Variants in CCDC180 observed in about 807,000 individuals in gnomAD.
The protein encoded by CCDC180 is coiled-coil domain-containing protein 180.
A neutral mutation model predicts 209.2 loss-of-function variants in CCDC180; 154 were observed. The ratio of observed to expected loss-of-function variants is 0.74; its 90% CI spans 0.65 to 0.84. CCDC180 has a LOEUF of 0.84. CCDC180 is among the 40% of genes least tolerant of loss of function. CCDC180 has a pLI of 0.00. For synonymous variants in CCDC180, 778 were observed against 749.1 expected, an observed-to-expected ratio of 1.04 and a Z score of -0.63; for missense variants, 1,874 against 1,997.3, an observed-to-expected ratio of 0.94 and a Z score of 1.18.
intron 22 of CCDC180, 141 bp downstream of exon 22, chr9:97,350,696 A>G: frequency 1.1e-6 from 1 of 890,778 alleles, no homozygotes; most frequent in Non-Finnish European, 1.7e-6. Context: ...AGGTGCACAG[A>G]TCAGTGGCAT....
chr9:97,365,540 G>A, intron 29 of CCDC180, 133 bp from the exon 30 acceptor site: 2 of 759,364 alleles, frequency 2.6e-6, no homozygotes, highest in East Asian at 2.5e-5. Flanking sequence ...CAGAGGTCCT[G>A]GGGCAGCAGT....
intron 28 of CCDC180, among the ~76,000 whole-genome samples, chr9:97,363,084 G>C (rs1293571854): frequency 6.6e-6 from 1 of 152,232 alleles, no homozygotes; most frequent in Non-Finnish European, 1.5e-5. Flanking sequence ...GCAGAGGAGT[G>C]GGAAGCATTG....
rs1319266152 is a variant in CCDC180 at position 97,369,919 on chromosome 9, C to T, written c.4190-3C>T. 6.2e-7 allele frequency: 1 copy of T among 1,613,970 alleles called. No homozygotes were observed. The highest frequency in any genetic ancestry group is 8.5e-7 in the Non-Finnish European group (1 of 1,180,004). ...CTTGGCCTCTTACCCGCACTTCTGG[C>T]AGAATTACGGATCCAGATCAGGAGA... On this transcript the variant is annotated splice_polypyrimidine_tract_variant and splice_region_variant and intron_variant, in intron 31 of 36. Coordinates refer to ENST00000529487, the MANE Select transcript of CCDC180 (RefSeq NM_020893.6).
chr9:97,313,389 C>A, intron 5 of CCDC180, 44 bp downstream of exon 5: 2 of 1,427,008 alleles, frequency 1.4e-6, no homozygotes, highest in South Asian at 2.3e-5. Context: ...CTGTGCCATT[C>A]CAAAGGTGGG....
At chr9:97,363,509 C>T (rs780688213) in intron 28 of CCDC180, 7 of 481,222 alleles carry the variant, frequency 1.5e-5, no homozygotes, top group Admixed American at 2.0e-5. Flanking sequence ...TGAGAGGTTA[C>T]GAAACAAAGT....
chr9:97,370,521 C>G (rs1328067933), intron 32 of CCDC180, 120 bp from the exon 33 acceptor site: 1 of 1,151,120 alleles, frequency 8.7e-7, no homozygotes, highest in Non-Finnish European at 1.3e-6. Flanking sequence ...CCACCCATCA[C>G]CCCCACACAC....
Position 97,337,381 on chromosome 9 carries a change from G to A in CCDC180, c.2275-5959G>A, listed in dbSNP as rs548947423. Among the ~76,000 whole-genome samples the A allele has an allele frequency of 2.6e-5, 4 of 152,312 alleles. No individual in the cohort carries two copies. The South Asian group carries it at 8.3e-4, about 32-fold the overall frequency. On this transcript the variant is annotated intron_variant, in intron 18 of 36. Transcript: ENST00000529487. ...GAGAGCTTTTAGCATGAAGGCTGTT[G>A]AATTTTGTCGAAGGCCTTTTCTGCA...
chr9:97,342,492 C>G (rs1243598724), intron 18 of CCDC180, among the ~76,000 whole-genome samples: 2 of 152,166 alleles, frequency 1.3e-5, no homozygotes, highest in African/African-American at 4.8e-5. Flanking sequence ...GTTGCCCAGG[C>G]TGGTCTCGAA....
intron 15 of CCDC180, 77 bp downstream of exon 15, chr9:97,326,746 G>A: frequency 1.2e-6 from 1 of 863,230 alleles, no homozygotes; most frequent in Non-Finnish European, 1.9e-6. Flanking sequence ...GCCTGCCCAA[G>A]AGCCCAGGAG....
chr9:97,313,427 C>A (rs1038569492), intron 5 of CCDC180, 82 bp downstream of exon 5: 2 of 933,180 alleles, frequency 2.1e-6, no homozygotes, highest in South Asian at 1.4e-5. Flanking sequence ...CCTTCCTCCC[C>A]CTCTCCAGCA....
rs1410391696 is a variant in CCDC180 at position 97,347,289 on chromosome 9, T to C, written c.2499-25T>C. ...CATGGGTCATGATTGCTGGCAGGGC[T>C]GACCCTGGCTGGTCTCGCCCTCAGA... On this transcript the variant is annotated intron_variant, in intron 19 of 36. Coordinates refer to ENST00000529487, the MANE Select transcript of CCDC180 (RefSeq NM_020893.6). 5 of 1,533,796 alleles carry C rather than the reference T, an allele frequency of 3.3e-6. No homozygotes were observed. The South Asian group carries it at 4.8e-5, about 15-fold the overall frequency.
At chr9:97,363,622 G>A (rs745511941) in intron 28 of CCDC180, 53 of 533,932 alleles carry the variant, frequency 9.9e-5, no homozygotes, top group Admixed American at 9.7e-5. Flanking sequence ...CCCAAATACT[G>A]CATGTGATAC....
Position 97,371,057 on chromosome 9 carries a change from G to A in CCDC180, c.4488+279G>A, listed in dbSNP as rs529819503. 9.5e-4 allele frequency: 172 copies of A among 180,386 alleles called. 2 individuals are homozygous for A. The highest frequency in any genetic ancestry group is 7.5e-4 in the East Asian group (5 of 6,628). 11.2% of individuals were successfully genotyped at this position (180,386 alleles called of 1,614,324 possible). On this transcript the variant is annotated intron_variant, in intron 33 of 36. Coordinates refer to ENST00000529487, the MANE Select transcript of CCDC180 (RefSeq NM_020893.6). ...CGGCTCACTGCAAGCTCCGCTTCCC[G>A]GGTTCACGCCATTCTCCTGCCTCAG...
At position 97,318,591 on chromosome 9, in the gene CCDC180, A is replaced by G; in HGVS notation, c.1079+9A>G. On this transcript the variant is annotated intron_variant, in intron 10 of 36. Coordinates refer to ENST00000529487, the MANE Select transcript of CCDC180 (RefSeq NM_020893.6). ...CATCTCTGCACCATCTGGTATGGGC[A>G]GGAGGGGCGGCCCAGGAGGGGTGCT... is the stretch of plus-strand genomic sequence containing the variant. 6.2e-7 allele frequency: 1 copy of G among 1,611,256 alleles called. No individual in the cohort carries two copies. The highest frequency in any genetic ancestry group is 2.2e-5 in the East Asian group (1 of 44,814).
intron 27 of CCDC180, 101 bp from the exon 28 acceptor site, chr9:97,362,095 T>A: frequency 6.7e-7 from 1 of 1,486,984 alleles, no homozygotes; most frequent in South Asian, 1.3e-5. Flanking sequence ...CAGGACTGAC[T>A]GACGTGGCGC....
In CCDC180 at chr9:97,361,735, C is replaced by T; in HGVS notation, c.3493C>T (p.Leu1165=). The T allele has an allele frequency of 6.2e-7, 1 of 1,613,992 alleles. No individual in the cohort carries two copies. The highest frequency in any genetic ancestry group is 8.5e-7 in the Non-Finnish European group (1 of 1,179,972). The stretch of plus-strand genomic sequence containing the variant: ...TCTCTCTGGCCTGCAGAACACCATC[C>T]TGAAGGACCAGGAGGAAGACAGTGA... ...MTELVFTNTI[L]KDQEEDSDIL... The change falls in exon 27 of 37, where the codon CTG becomes TTG. Residue 1165 remains leucine, a synonymous_variant. Transcript: ENST00000529487.
intron 2 of CCDC180, 23 bp downstream of exon 2, chr9:97,308,155 C>A (rs772798743): frequency 6.5e-7 from 1 of 1,546,504 alleles, no homozygotes; most frequent in South Asian, 1.2e-5. Context: ...CTCTGTCCCG[C>A]TTTTCTCCAT....
intron 16 of CCDC180, among the ~76,000 whole-genome samples, chr9:97,329,121 G>T (rs975173160): frequency 5.3e-5 from 8 of 152,198 alleles, no homozygotes; most frequent in African/African-American, 1.9e-4. Context: ...TCTCCTCCCA[G>T]AAGAGATTCC....
chr9:97,327,886 A>G, intron 15 of CCDC180, 134 bp from the exon 16 acceptor site: 1 of 938,620 alleles, frequency 1.1e-6, no homozygotes, highest in Non-Finnish European at 1.6e-6. Flanking sequence ...TAGCATAGCC[A>G]AGGACTGCTG....
Sources: allele counts gnomAD v4.1 joint callset (sites outside exome capture counted in the v4.1 genomes callset), GRCh38; gene constraint gnomAD v4.1.1; transcripts MANE v1.5; gene names NCBI Gene and HGNC (gene_info 2026-07-23, HGNC 2026-07-21).